The following RBM6 variants were observed in gnomAD, a reference collection of about 807,000 sequenced individuals.
RBM6 encodes the protein RNA-binding protein 6.
Under a neutral mutation model 140.4 loss-of-function variants are expected in RBM6, and 23 were observed. The observed-to-expected ratio is 0.16, with a 90% CI of 0.12 to 0.23. The LOEUF is 0.23. Among genes scored for constraint, RBM6 ranks in the 10% least tolerant of loss-of-function variants. The probability of loss-of-function intolerance (pLI) is 1.00; values close to 1 mark genes in which losing one functional copy is unlikely to be tolerated. For synonymous variants in RBM6, 439 were observed against 475.6 expected (o/e 0.92, Z 1.00); for missense variants, 1,139 against 1,386.7 (o/e 0.82, Z 2.84).
At chr3:49,975,855 A>G (rs2085041026) in intron 5 of RBM6, among the ~76,000 whole-genome samples, 1 of 152,142 alleles carries the variant, frequency 6.6e-6, no homozygotes, top group Admixed American at 6.6e-5. Flanking sequence ...GAGTCCTGTT[A>G]CAGTTATTTT....
chr3:49,946,605 G>A lies in RBM6; in HGVS notation c.-67+6380G>A, dbSNP rs142818743. ...GGCCGGAGTGAAGTGGCATGATCTC[G>A]GCTCACTGCAACCTCTGCCTCCCAG... On this transcript the variant is annotated intron_variant, in intron 1 of 20. Transcript: ENST00000266022. Among the ~76,000 whole-genome samples the A allele has an allele frequency of 2.4e-4, 36 of 151,776 alleles. 1 individual carries two copies. The highest frequency in any genetic ancestry group is 4.6e-4 in the Non-Finnish European group (31 of 67,962).
chr3:49,940,771 A>G (rs1192590387), intron 1 of RBM6: 1 of 152,450 alleles, frequency 6.6e-6, no homozygotes, highest in African/African-American at 2.4e-5. Context: ...CCGTTAGGCA[A>G]TGAAGGAGAA....
chr3:50,060,641 C>G (rs558421796), intron 11 of RBM6, among the ~76,000 whole-genome samples: 19 of 149,622 alleles, frequency 1.3e-4, no homozygotes, highest in South Asian at 8.5e-4. Flanking sequence ...GTAGTCCCAG[C>G]TACTTGGGAG....
At chr3:50,037,966 C>T (rs1262077355) in intron 6 of RBM6, among the ~76,000 whole-genome samples, 1 of 151,810 alleles carries the variant, frequency 6.6e-6, no homozygotes, top group Admixed American at 6.6e-5. Context: ...GGATTACAGG[C>T]GCCCGCCACC....
In RBM6 at chr3:49,968,397, G is replaced by T. The variant is rs1389060635; in HGVS notation, c.972G>T (p.Arg324Ser). ...EESTHDHTIE[R>S]PAFGIQKGEF... ...CCACACATGACCATACGATAGAAAG[G>T]CCTGCTTTTGGCATTCAGAAGGGAG... Residue 324 changes from arginine to serine, a missense_variant, in exon 3 of 21, where the codon AGG becomes AGT. Physicochemically the swap from Arg to Ser is moderately radical, Grantham distance 110. Transcript: ENST00000266022. 1 of 1,614,172 alleles carries T rather than the reference G, an allele frequency of 6.2e-7. No homozygotes were observed. The highest frequency in any genetic ancestry group is 8.5e-7 in the Non-Finnish European group (1 of 1,180,032).
At chr3:50,016,040 C>T (rs895534990) in intron 6 of RBM6, among the ~76,000 whole-genome samples, 3 of 152,200 alleles carry the variant, frequency 2.0e-5, no homozygotes, top group Admixed American at 1.3e-4. Context: ...CTTCTTCCTC[C>T]TGTCTGACTG....
intron 5 of RBM6, among the ~76,000 whole-genome samples, chr3:49,992,876 G>C (rs2085891000): frequency 6.6e-6 from 1 of 152,154 alleles, no homozygotes; most frequent in Non-Finnish European, 1.5e-5. Context: ...CATCTTTTCT[G>C]CCAGACTGAA....
chr3:50,013,683 G>GAA (rs1308360592), intron 6 of RBM6, among the ~76,000 whole-genome samples: 1 of 152,136 alleles, frequency 6.6e-6, no homozygotes, highest in Non-Finnish European at 1.5e-5. Flanking sequence ...GTTCTTCCAT[G>GAA]AGACAGCGGG....
At chr3:50,002,293 G>A (rs1242463717) in intron 6 of RBM6, among the ~76,000 whole-genome samples, 4 of 146,374 alleles carry the variant, frequency 2.7e-5, no homozygotes, top group African/African-American at 5.1e-5. Context: ...ATGGAGTCTC[G>A]CTCTGTTGCC....
chr3:49,940,774 AAGG>A (rs2083249719), intron 1 of RBM6: 1 of 152,380 alleles, frequency 6.6e-6, no homozygotes, highest in South Asian at 2.1e-4. Flanking sequence ...TTAGGCAATG[AAGG>A]AGAAGGATGT....
At chr3:50,061,345 G>C (rs534181696) in intron 13 of RBM6, 117 bp from the exon 14 acceptor site, 127 of 1,584,380 alleles carry the variant, frequency 8.0e-5, no homozygotes, top group Middle Eastern at 1.7e-4. Flanking sequence ...CCAGAGAGAG[G>C]CATCTGTAGA....
rs374050158 is a variant in RBM6 at position 50,044,581 on chromosome 3, C to CA, written c.1558-3649dup. ...CTGGCGACAGAGCGAGACTCCGTCTCAAAAAAAAAAAAAAAGAATGGACAT... is the reference window on the plus strand; with the variant it reads ...CTGGCGACAGAGCGAGACTCCGTCTCAAAAAAAAAAAAAAAAGAATGGACAT... On this transcript the variant is annotated intron_variant, in intron 6 of 20. Transcript: ENST00000266022. Among the ~76,000 whole-genome samples, 302 of 105,572 alleles carry CA rather than the reference C, an allele frequency of 2.9e-3. 3 individuals carry two copies. Among genetic ancestry groups the CA allele is most frequent in the Middle Eastern group, 0.01 (2 of 196 alleles). The allele number at this position is 105,572 out of a possible 152,430, so 69.3% of individuals were successfully genotyped here.
At chr3:50,042,873 G>A (rs1046246645) in intron 6 of RBM6, among the ~76,000 whole-genome samples, 2 of 152,114 alleles carry the variant, frequency 1.3e-5, no homozygotes, top group African/African-American at 4.8e-5. Flanking sequence ...AGATCATGAA[G>A]TCTCTAAGAG....
At chr3:49,965,545 C>T (rs1296381546) in intron 2 of RBM6, among the ~76,000 whole-genome samples, 1 of 152,140 alleles carries the variant, frequency 6.6e-6, no homozygotes, top group African/African-American at 2.4e-5. Flanking sequence ...TAGCGGGCGC[C>T]TGTAGTCCCA....
intron 6 of RBM6, among the ~76,000 whole-genome samples, chr3:50,031,384 A>G (rs2088146714): frequency 6.6e-6 from 1 of 152,210 alleles, no homozygotes; most frequent in Non-Finnish European, 1.5e-5. Context: ...CATATACACC[A>G]TGGAATACTA....
chr3:49,983,858 A>G (rs2085420990), intron 5 of RBM6, among the ~76,000 whole-genome samples: 1 of 152,170 alleles, frequency 6.6e-6, no homozygotes, highest in Non-Finnish European at 1.5e-5. Context: ...GAGGCAGTGG[A>G]TGGACGCTTT....
rs1376451199 is a variant in RBM6, at chr3:50,058,562, G to A, written c.2130G>A (p.Ala710=). The change falls in exon 10 of 21, where the codon GCG becomes GCA. Residue 710 remains alanine (A), a splice_region_variant and synonymous_variant. Transcript: ENST00000266022. ...GCTTTATTGACCTCGACTCCCATGC[G>A]GTGAGTTTCCTCCACCTTGGATTGG... ...TYGFIDLDSH[A]EALRVVKILQ... 2 of 1,602,976 alleles carry A rather than the reference G, an allele frequency of 1.2e-6. No individual in the cohort carries two copies. The highest frequency in any genetic ancestry group is 1.7e-6 in the Non-Finnish European group (2 of 1,170,338).
chr3:49,952,636 A>G (rs980078048), intron 1 of RBM6, among the ~76,000 whole-genome samples: 3 of 150,878 alleles, frequency 2.0e-5, no homozygotes, highest in African/African-American at 7.3e-5. Flanking sequence ...AGTAGCTGGG[A>G]TTACAGGCAT....
intron 6 of RBM6, among the ~76,000 whole-genome samples, chr3:50,041,973 C>T (rs1223385588): frequency 1.3e-5 from 2 of 152,178 alleles, no homozygotes; most frequent in Admixed American, 6.5e-5. Flanking sequence ...ACTTTTAGTA[C>T]TGTATGTGTT....
Sources: gnomAD v4.1 joint callset for allele counts (sites outside exome capture counted in the v4.1 genomes callset) on GRCh38, gnomAD v4.1.1 for gene constraint, MANE v1.5 for transcripts, NCBI Gene and HGNC (gene_info 2026-07-23, HGNC 2026-07-21) for gene names.